RPS6KC1: variants seen among roughly 807,000 people sequenced by gnomAD.
RPS6KC1 encodes inactive ribosomal protein S6 kinase delta-1.
Under a neutral mutation model 103.8 loss-of-function variants are expected in RPS6KC1, and 54 were observed. The observed-to-expected ratio is 0.52, with a 90% CI of 0.42 to 0.65. The LOEUF (loss-of-function observed/expected upper bound fraction) is 0.65, where lower values mean the gene tolerates loss of function less well. Among genes scored for constraint, RPS6KC1 ranks in the 30% least tolerant of loss-of-function variants. The probability of loss-of-function intolerance (pLI) is 0.00; values close to 1 mark genes in which losing one functional copy is unlikely to be tolerated. For missense variants in RPS6KC1, 1,151 were observed against 1,253.8 expected (o/e 0.92, Z 1.24); for synonymous variants, 439 against 438.7 (o/e 1.00, Z -0.01).
the RPS6KC1 span, among the ~76,000 whole-genome samples, chr1:213,686,750 A>C: frequency 6.6e-6 from 1 of 152,194 alleles, no homozygotes; most frequent in African/African-American, 2.4e-5. Flanking sequence ...ATAAAGTGAA[A>C]GCAGGTTTAT....
the RPS6KC1 span, among the ~76,000 whole-genome samples, chr1:213,748,714 A>G: frequency 6.6e-6 from 1 of 152,228 alleles, no homozygotes; most frequent in Non-Finnish European, 1.5e-5. Context: ...ATACTAGAGC[A>G]ATGTCTGTTT....
At chr1:213,856,140 C>A in the RPS6KC1 span, among the ~76,000 whole-genome samples, 7 of 152,180 alleles carry the variant, frequency 4.6e-5, no homozygotes, top group Non-Finnish European at 7.3e-5. Flanking sequence ...ACACTGTCGT[C>A]AGTCTTTTTC....
chr1:213,786,136 G>A, the RPS6KC1 span, among the ~76,000 whole-genome samples: 1 of 152,172 alleles, frequency 6.6e-6, no homozygotes, highest in South Asian at 2.1e-4. Flanking sequence ...AGGGAGAAAA[G>A]AAAGGTTCAA....
chr1:213,583,627 C>G, the RPS6KC1 span, among the ~76,000 whole-genome samples: 2 of 151,882 alleles, frequency 1.3e-5, no homozygotes, highest in Non-Finnish European at 2.9e-5. Context: ...TCGAGACCAG[C>G]CTGGTGAACA....
At chr1:213,186,580 T>A (rs1289094837) in intron 8 of RPS6KC1, among the ~76,000 whole-genome samples, 1 of 152,172 alleles carries the variant, frequency 6.6e-6, no homozygotes. Context: ...TTGAACCTAT[T>A]TTGTGTTCTG....
At chr1:213,338,618 G>C in the RPS6KC1 span, among the ~76,000 whole-genome samples, 8 of 152,134 alleles carry the variant, frequency 5.3e-5, no homozygotes, top group Non-Finnish European at 1.0e-4. Flanking sequence ...ACGTGATGTG[G>C]TACATTGGGA....
chr1:213,105,355 AAG>A (rs139282539), intron 4 of RPS6KC1, among the ~76,000 whole-genome samples: 5,156 of 152,136 alleles, frequency 0.034, 111 homozygotes, highest in Middle Eastern at 0.054. Context: ...TCTAAAAAAA[AAG>A]AAATCTAAGT....
chr1:213,826,950 T>C, the RPS6KC1 span, among the ~76,000 whole-genome samples: 14 of 152,298 alleles, frequency 9.2e-5, no homozygotes, highest in Admixed American at 2.6e-4. Context: ...CTAGTAGTCA[T>C]TCTCCCAAAC....
At chr1:213,602,536 T>C in the RPS6KC1 span, among the ~76,000 whole-genome samples, 1 of 152,108 alleles carries the variant, frequency 6.6e-6, no homozygotes, top group African/African-American at 2.4e-5. Context: ...CCCGGCCTGG[T>C]GTTTCTAACA....
At chr1:213,309,972 A>T in the RPS6KC1 span, among the ~76,000 whole-genome samples, 1 of 152,218 alleles carries the variant, frequency 6.6e-6, no homozygotes, top group African/African-American at 2.4e-5. Flanking sequence ...GGTGTGAGCC[A>T]CTGCGCCCAG....
At chr1:213,126,990 T>G (rs2085061894) in intron 5 of RPS6KC1, among the ~76,000 whole-genome samples, 1 of 152,190 alleles carries the variant, frequency 6.6e-6, no homozygotes, top group South Asian at 2.1e-4. Context: ...ATCATTTTCT[T>G]TTTAATTTTT....
the RPS6KC1 span, among the ~76,000 whole-genome samples, chr1:213,301,763 C>T: frequency 6.6e-6 from 1 of 151,602 alleles, no homozygotes; most frequent in African/African-American, 2.4e-5. Flanking sequence ...GACAGAGTCT[C>T]TCTCTGTCGC....
At chr1:213,758,791 G>A in the RPS6KC1 span, among the ~76,000 whole-genome samples, 1 of 152,116 alleles carries the variant, frequency 6.6e-6, no homozygotes, top group African/African-American at 2.4e-5. Flanking sequence ...GCAATCTCGT[G>A]GTAAAACTTG....
At chr1:213,650,928 T>TAA in the RPS6KC1 span, among the ~76,000 whole-genome samples, 2,441 of 100,230 alleles carry the variant, frequency 0.024, 109 homozygotes, top group African/African-American at 0.088. Context: ...ACTTGCATGT[T>TAA]AAAAAAAAAA....
the RPS6KC1 span, among the ~76,000 whole-genome samples, chr1:213,861,232 T>C: frequency 6.6e-6 from 1 of 152,192 alleles, no homozygotes; most frequent in Non-Finnish European, 1.5e-5. Context: ...GGGCCTTAAA[T>C]CTGCCCAAAT....
intron 6 of RPS6KC1, among the ~76,000 whole-genome samples, chr1:213,150,513 C>G (rs912986385): frequency 6.0e-5 from 9 of 150,398 alleles, no homozygotes; most frequent in African/African-American, 1.7e-4. Context: ...GTGGTGATGA[C>G]TCTTAACGAG....
the RPS6KC1 span, among the ~76,000 whole-genome samples, chr1:213,605,975 T>C: frequency 1.3e-5 from 2 of 152,170 alleles, no homozygotes; most frequent in African/African-American, 4.8e-5. Context: ...GAAAAGAAGA[T>C]TGCACAAGAG....
the RPS6KC1 span, among the ~76,000 whole-genome samples, chr1:213,785,426 T>TA: frequency 0.079 from 11,879 of 150,798 alleles, 1,496 homozygotes; most frequent in African/African-American, 0.27. Flanking sequence ...AAAATAAAAA[T>TA]AAAAAAAAAC....
At chr1:213,548,191 A>C in the RPS6KC1 span, among the ~76,000 whole-genome samples, 1 of 152,274 alleles carries the variant, frequency 6.6e-6, no homozygotes, top group Non-Finnish European at 1.5e-5. Flanking sequence ...TCCTTTCAAC[A>C]TGGTTGAATC....
Sources: allele counts gnomAD v4.1 joint callset (sites outside exome capture counted in the v4.1 genomes callset), GRCh38; gene constraint gnomAD v4.1.1; transcripts MANE v1.5; gene names NCBI Gene and HGNC (gene_info 2026-07-23, HGNC 2026-07-21).